GULP1: variants seen among roughly 807,000 people sequenced by gnomAD.
The protein encoded by GULP1 is GULP PTB domain containing engulfment adaptor 1, also known as PTB domain-containing engulfment adapter protein 1.
GULP1 carries 19 observed loss-of-function variants against 40.9 expected under a neutral mutation model. That is an observed-to-expected ratio of 0.46 (90% CI 0.32 to 0.68). The LOEUF is 0.68. Ranked by LOEUF, GULP1 falls within the 30% of genes least tolerant of loss-of-function variation. The pLI is 0.03. For missense variants in GULP1, 312 were observed against 362.2 expected (o/e 0.86, Z 1.12); for synonymous variants, 119 against 117.6 (o/e 1.01, Z -0.08).
chr2:188,495,742 A>C (rs1275701020), intron 4 of GULP1, among the ~76,000 whole-genome samples: 1 of 152,018 alleles, frequency 6.6e-6, no homozygotes, highest in Non-Finnish European at 1.5e-5. Context: ...AAATCTGTAC[A>C]GTGCCTAGCA....
intron 4 of GULP1, among the ~76,000 whole-genome samples, chr2:188,495,357 C>A (rs187087695): frequency 6.6e-6 from 1 of 152,194 alleles, no homozygotes; most frequent in East Asian, 1.9e-4. Context: ...CAGTTCCACT[C>A]TAATTTAAGT....
intron 1 of GULP1, among the ~76,000 whole-genome samples, chr2:188,315,820 G>A (rs956491594): frequency 1.8e-4 from 28 of 151,914 alleles, no homozygotes; most frequent in African/African-American, 5.6e-4. Context: ...GGTAATGTAC[G>A]GTAATAAAAG....
intron 9 of GULP1, among the ~76,000 whole-genome samples, chr2:188,583,411 C>T (rs1373553720): frequency 6.6e-6 from 1 of 152,090 alleles, no homozygotes; most frequent in Non-Finnish European, 1.5e-5. Context: ...AAATTTTTCG[C>T]CACTATTCCC....
At chr2:188,525,339 C>T (rs920970448) in intron 5 of GULP1, among the ~76,000 whole-genome samples, 13 of 151,920 alleles carry the variant, frequency 8.6e-5, no homozygotes, top group South Asian at 2.1e-4. Flanking sequence ...TGCAGTGAGC[C>T]GCGATCGCGC....
At chr2:188,394,744 T>C (rs547081543) in intron 2 of GULP1, among the ~76,000 whole-genome samples, 44 of 152,338 alleles carry the variant, frequency 2.9e-4, no homozygotes, top group South Asian at 2.5e-3. Flanking sequence ...GACTTTAATG[T>C]TTATACTTTA....
intron 6 of GULP1, among the ~76,000 whole-genome samples, chr2:188,532,210 T>C (rs1240618656): frequency 3.3e-5 from 5 of 152,216 alleles, no homozygotes; most frequent in Non-Finnish European, 5.9e-5. Flanking sequence ...ATTTACCAAA[T>C]TATTCTTCTA....
intron 7 of GULP1, among the ~76,000 whole-genome samples, chr2:188,565,522 GAA>G (rs1697445465): frequency 6.6e-6 from 1 of 151,898 alleles, no homozygotes; most frequent in South Asian, 2.1e-4. Flanking sequence ...TGTCTCAAAT[GAA>G]AAAGACTGTC....
intron 7 of GULP1, among the ~76,000 whole-genome samples, chr2:188,546,684 A>G (rs941873349): frequency 6.6e-6 from 1 of 151,968 alleles, no homozygotes; most frequent in African/African-American, 2.4e-5. Flanking sequence ...ATAAACCTCA[A>G]AGTAAGCAGA....
chr2:188,312,216 A>G (rs2038283289), intron 1 of GULP1, among the ~76,000 whole-genome samples: 1 of 152,032 alleles, frequency 6.6e-6, no homozygotes, highest in Non-Finnish European at 1.5e-5. Flanking sequence ...ACCCAGATAT[A>G]TGTTCAGAAT....
intron 7 of GULP1, among the ~76,000 whole-genome samples, chr2:188,560,306 CTAAGT>C (rs1449962559): frequency 6.6e-6 from 1 of 152,194 alleles, no homozygotes; most frequent in Non-Finnish European, 1.5e-5. Context: ...CACAATGCAG[CTAAGT>C]TATTTGCTAA....
At chr2:188,589,734 G>T in intron 11 of GULP1, 2 of 1,396,024 alleles carry the variant, frequency 1.4e-6, no homozygotes, top group Non-Finnish European at 1.9e-6. Context: ...CTTTCATGGT[G>T]GGTAGCGCCA....
At chr2:188,508,676 A>G (rs1401493758) in intron 4 of GULP1, among the ~76,000 whole-genome samples, 3 of 151,972 alleles carry the variant, frequency 2.0e-5, no homozygotes, top group African/African-American at 7.2e-5. Flanking sequence ...CTTTCAGCCT[A>G]CTAACAGAAT....
chr2:188,453,365 T>C (rs565083550), intron 2 of GULP1, among the ~76,000 whole-genome samples: 1 of 152,242 alleles, frequency 6.6e-6, no homozygotes, highest in South Asian at 2.1e-4. Flanking sequence ...CTAAAGTATT[T>C]ATTATTCTAG....
Position 188,515,252 on chromosome 2 carries a change from C to T in GULP1, c.91-7504C>T, listed in dbSNP as rs549342053. Among the ~76,000 whole-genome samples, 33 of 152,206 alleles carry T rather than the reference C, an allele frequency of 2.2e-4. No homozygotes were observed. In the East Asian group the frequency reaches 6.2e-3, roughly 29 times the overall value. On this transcript the variant is annotated intron_variant, in intron 4 of 11. Transcript: ENST00000409830. ...TTAATGTCTCACTTGCATGATTCCC[C>T]CTGCCATTTCCTTGAACACTCATCT...
At position 188,399,403 on chromosome 2, in the gene GULP1, G is replaced by A. The variant is rs147441925; in HGVS notation, c.-45+15514G>A. Among the ~76,000 whole-genome samples, 866 of 152,116 alleles carry A rather than the reference G, an allele frequency of 5.7e-3. 11 individuals carry two copies. The highest frequency in any genetic ancestry group is 0.02 in the African/African-American group (815 of 41,482). On this transcript the variant is annotated intron_variant, in intron 2 of 11. Coordinates refer to ENST00000409830, the MANE Select transcript of GULP1 (RefSeq NM_016315.4). ...TCATTTGCCCCCTGCCAGGAACCAC[G>A]GCAACTGATTAACAGTTCTCAAAAG... is the stretch of plus-strand genomic sequence containing the variant.
intron 9 of GULP1, among the ~76,000 whole-genome samples, chr2:188,575,620 A>G (rs1482731440): frequency 8.5e-5 from 13 of 152,242 alleles, no homozygotes; most frequent in Non-Finnish European, 1.3e-4. Context: ...AGCAAATGCA[A>G]CAGGCTGAAA....
intron 7 of GULP1, among the ~76,000 whole-genome samples, chr2:188,553,492 A>T: frequency 6.6e-6 from 1 of 151,950 alleles, no homozygotes; most frequent in Non-Finnish European, 1.5e-5. Context: ...TGAACCATCC[A>T]CGCATCTCTG....
At chr2:188,449,925 G>A (rs1483576795) in intron 2 of GULP1, among the ~76,000 whole-genome samples, 2 of 152,138 alleles carry the variant, frequency 1.3e-5, no homozygotes, top group Non-Finnish European at 2.9e-5. Flanking sequence ...TTAGAAAACT[G>A]TTCTTGGCTC....
intron 1 of GULP1, among the ~76,000 whole-genome samples, chr2:188,321,404 T>A (rs1263385280): frequency 6.6e-6 from 1 of 152,166 alleles, no homozygotes; most frequent in East Asian, 1.9e-4. Flanking sequence ...ATTGTTGTTA[T>A]ATTTGATACT....
Sources: gnomAD v4.1 joint callset for allele counts (sites outside exome capture counted in the v4.1 genomes callset) on GRCh38, gnomAD v4.1.1 for gene constraint, MANE v1.5 for transcripts, NCBI Gene and HGNC (gene_info 2026-07-23, HGNC 2026-07-21) for gene names.